Variants in KDM6A observed in about 807,000 individuals in gnomAD.
KDM6A encodes lysine-specific demethylase 6A.
KDM6A carries 11 observed loss-of-function variants against 117.6 expected under a neutral mutation model. The ratio of observed to expected loss-of-function variants is 0.09; its 90% CI spans 0.06 to 0.15. The LOEUF (loss-of-function observed/expected upper bound fraction) is 0.15, where lower values mean the gene tolerates loss of function less well. Among genes scored for constraint, KDM6A ranks in the 10% least tolerant of loss-of-function variants. The probability of loss-of-function intolerance (pLI) is 1.00; values close to 1 mark genes in which losing one functional copy is unlikely to be tolerated. For synonymous variants in KDM6A, 384 were observed against 396.1 expected, an observed-to-expected ratio of 0.97 and a Z score of 0.36; for missense variants, 799 against 1,077.3, an observed-to-expected ratio of 0.74 and a Z score of 3.62.
chrX:45,019,664 T>C (rs1378866689), intron 5 of KDM6A, among the ~76,000 whole-genome samples: 1 of 111,721 alleles, frequency 9.0e-6, no homozygotes, highest in Non-Finnish European at 1.9e-5. Context: ...GCAAATAATA[T>C]ATTAGCTTGT....
chrX:44,909,159 TTTTG>T (rs1341287747), intron 2 of KDM6A, among the ~76,000 whole-genome samples: 1 of 112,041 alleles, frequency 8.9e-6, no homozygotes, highest in Non-Finnish European at 1.9e-5. Flanking sequence ...CATAGATTAA[TTTTG>T]TTTATTTTAG....
intron 2 of KDM6A, among the ~76,000 whole-genome samples, chrX:44,895,074 TTTTATTTATTTATTTATTTATTTATTTA>T (rs200356311): frequency 2.2e-5 from 2 of 91,701 alleles, no homozygotes; most frequent in African/African-American, 8.4e-5. Flanking sequence ...GCAACTTTTA[TTTTATTTATTTATTTATTTATTTATTTA>T]TTTATTTATT....
At chrX:45,040,536 G>A (rs1325091129) in intron 8 of KDM6A, among the ~76,000 whole-genome samples, 2 of 60,558 alleles carry the variant, frequency 3.3e-5, no homozygotes, top group African/African-American at 1.3e-4. Context: ...GCGGCTGGCC[G>A]GGCAGAGGGG....
At chrX:44,992,947 T>C (rs2040693126) in intron 4 of KDM6A, among the ~76,000 whole-genome samples, 1 of 112,394 alleles carries the variant, frequency 8.9e-6, no homozygotes, top group South Asian at 3.7e-4. Context: ...TGCCTATGCA[T>C]ACTCATCTTT....
At chrX:44,991,210 A>G (rs2040562055) in intron 4 of KDM6A, among the ~76,000 whole-genome samples, 2 of 111,765 alleles carry the variant, frequency 1.8e-5, no homozygotes, top group African/African-American at 3.2e-5. Flanking sequence ...GCTTCAATCA[A>G]AGGTTTGTAA....
At chrX:45,083,757 G>C in intron 24 of KDM6A, 149 bp downstream of exon 24, 1 of 502,826 alleles carries the variant, frequency 2.0e-6, no homozygotes, top group Non-Finnish European at 3.3e-6. Flanking sequence ...CTCAGATTAA[G>C]ATTTTTCCCC....
At position 45,060,768 on chromosome X, in the gene KDM6A, T is replaced by C. The variant is rs1338888830; in HGVS notation, c.1485+4T>C. On this transcript the variant is annotated splice_donor_region_variant and intron_variant, in intron 14 of 29. Coordinates refer to ENST00000611820, the MANE Select transcript of KDM6A (RefSeq NM_001291415.2). Reference sequence around the variant, plus strand: ...AAGAACATCTAGTCCAACAAAGGTATATGTTTTAGAGAAATAGAAAATCCC... The same window carrying C: ...AAGAACATCTAGTCCAACAAAGGTACATGTTTTAGAGAAATAGAAAATCCC... 49 of 1,043,333 alleles carry C rather than the reference T, an allele frequency of 4.7e-5. No individual in the cohort carries two copies. Among genetic ancestry groups the C allele is most frequent in the Middle Eastern group, 2.7e-4 (1 of 3,729 alleles). The allele number at this position is 1,043,333 out of a possible 1,213,427, so 86.0% of individuals were successfully genotyped here.
chrX:44,951,641 G>C (rs2038012503), intron 2 of KDM6A, among the ~76,000 whole-genome samples: 2 of 111,558 alleles, frequency 1.8e-5, no homozygotes, highest in African/African-American at 6.5e-5. Context: ...GGAATGGTTT[G>C]TGAGAGCTGG....
intron 2 of KDM6A, among the ~76,000 whole-genome samples, chrX:44,881,988 G>C (rs1300820944): frequency 2.7e-5 from 3 of 111,078 alleles, no homozygotes; most frequent in Non-Finnish European, 5.7e-5. Context: ...ATGCCTGGCT[G>C]AGTATTTTGC....
intron 4 of KDM6A, among the ~76,000 whole-genome samples, chrX:44,982,947 G>A (rs952107819): frequency 2.7e-5 from 3 of 111,824 alleles, no homozygotes; most frequent in African/African-American, 9.8e-5. Flanking sequence ...GTCTGGAAAT[G>A]CTTCATAATA....
In KDM6A at chrX:44,873,226, C is replaced by T; in HGVS notation, c.-326C>T. 3.5e-6 allele frequency: 1 copy of T among 284,757 alleles called. No individual in the cohort carries two copies. The highest frequency in any genetic ancestry group is 6.1e-6 in the Non-Finnish European group (1 of 164,570). 23.5% of individuals were successfully genotyped at this position (284,757 alleles called of 1,213,427 possible). On this transcript the variant is annotated 5_prime_UTR_variant, in exon 1 of 30. Transcript: ENST00000611820. ...GCTGGTGCCGGGGAAGTTTGTGTCTCCAACGAATCCCCTCAGTGCTCCCCA... is the reference window on the plus strand; with the variant it reads ...GCTGGTGCCGGGGAAGTTTGTGTCTTCAACGAATCCCCTCAGTGCTCCCCA...
chrX:44,968,106 A>G (rs777085497), intron 3 of KDM6A, among the ~76,000 whole-genome samples: 1 of 112,413 alleles, frequency 8.9e-6, no homozygotes, highest in Non-Finnish European at 1.9e-5. Flanking sequence ...TTAAGCTGTG[A>G]CAGCCTTTAC....
intron 4 of KDM6A, among the ~76,000 whole-genome samples, chrX:45,004,224 G>T (rs2041318789): frequency 9.0e-6 from 1 of 110,769 alleles, no homozygotes; most frequent in Non-Finnish European, 1.9e-5. Flanking sequence ...AGGGGGCCTG[G>T]TAGATGAGGA....
intron 18 of KDM6A, among the ~76,000 whole-genome samples, chrX:45,075,538 G>T: frequency 9.0e-6 from 1 of 110,772 alleles, no homozygotes; most frequent in Non-Finnish European, 1.9e-5. Flanking sequence ...ATTCCTTTGA[G>T]ACCTGCCATG....
rs142993352 is a variant in KDM6A at position 44,905,823 on chromosome X, C to T, written c.225+31836C>T. 5.9e-3 allele frequency among the ~76,000 whole-genome samples: 660 copies of T among 112,094 alleles called. 5 individuals carry two copies. Among genetic ancestry groups the T allele is most frequent in the African/African-American group, 0.02 (620 of 30,862 alleles). Reference sequence around the variant, plus strand: ...TGATTGTGAAATATTTACATTGTTCCAGAACCAAATCTACCATCATATTCC... The same window carrying T: ...TGATTGTGAAATATTTACATTGTTCTAGAACCAAATCTACCATCATATTCC... On this transcript the variant is annotated intron_variant, in intron 2 of 29. Coordinates refer to ENST00000611820, the MANE Select transcript of KDM6A (RefSeq NM_001291415.2).
At chrX:44,978,453 G>A in intron 4 of KDM6A, among the ~76,000 whole-genome samples, 2 of 112,007 alleles carry the variant, frequency 1.8e-5, no homozygotes, top group Middle Eastern at 9.2e-3. Flanking sequence ...ATGTTTTAAT[G>A]TATGGTAGTG....
rs977706232 is a variant in KDM6A, at chrX:45,110,198, A to G, written c.4281A>G (p.Leu1427=). 7 of 1,209,452 alleles carry G rather than the reference A, an allele frequency of 5.8e-6. No individual in the cohort carries two copies. The highest frequency in any genetic ancestry group is 7.8e-6 in the Non-Finnish European group (7 of 894,612). Residue 1427 remains leucine (L), a synonymous_variant, in exon 29 of 30, where the codon CTA becomes CTG. Coordinates refer to ENST00000611820, the MANE Select transcript of KDM6A (RefSeq NM_001291415.2). ...GAAACTTGGAAAACTTTGTGGTGCTAGAACAGTACAAAATGGAGGACCTGA... is the reference window on the plus strand; with the variant it reads ...GAAACTTGGAAAACTTTGTGGTGCTGGAACAGTACAAAATGGAGGACCTGA... ...TSGNLENFVV[L]EQYKMEDLMQ... is the part of the protein sequence containing the mutation.
intron 2 of KDM6A, among the ~76,000 whole-genome samples, chrX:44,918,206 A>G (rs1310078952): frequency 8.9e-6 from 1 of 111,947 alleles, no homozygotes; most frequent in African/African-American, 3.2e-5. Context: ...AACTAAACCC[A>G]GTACAAAAAT....
intron 4 of KDM6A, among the ~76,000 whole-genome samples, chrX:44,994,566 A>G (rs2040773987): frequency 8.9e-6 from 1 of 112,374 alleles, no homozygotes; most frequent in Non-Finnish European, 1.9e-5. Flanking sequence ...GCTGAAATGA[A>G]TATGGGAGTA....
Sources: gnomAD v4.1 joint callset for allele counts (sites outside exome capture counted in the v4.1 genomes callset) on GRCh38, gnomAD v4.1.1 for gene constraint, MANE v1.5 for transcripts, NCBI Gene and HGNC (gene_info 2026-07-23, HGNC 2026-07-21) for gene names.